Variants in SEC31A observed in about 807,000 individuals in gnomAD.
The protein encoded by SEC31A is protein transport protein Sec31A.
SEC31A carries 70 observed loss-of-function variants against 151.0 expected under a neutral mutation model. The ratio of observed to expected loss-of-function variants is 0.46; its 90% CI spans 0.38 to 0.57. The LOEUF is 0.57. Ranked by LOEUF, SEC31A falls within the 20% of genes least tolerant of loss-of-function variation. The pLI is 0.00. For synonymous variants in SEC31A, 475 were observed against 505.9 expected, an observed-to-expected ratio of 0.94 and a Z score of 0.82; for missense variants, 1,330 against 1,471.2, an observed-to-expected ratio of 0.90 and a Z score of 1.57.
chr4:82,849,221 T>C (rs1399279940), intron 19 of SEC31A, among the ~76,000 whole-genome samples: 1 of 152,202 alleles, frequency 6.6e-6, no homozygotes, highest in African/African-American at 2.4e-5. Context: ...GAGTTATACC[T>C]ACCTCATGGT....
intron 21 of SEC31A, chr4:82,843,726 G>C (rs528643396): frequency 5.3e-5 from 8 of 151,194 alleles, no homozygotes; most frequent in African/African-American, 1.7e-4. Flanking sequence ...CACTTTCCAG[G>C]TATAATTATT....
chr4:82,864,019 A>C (rs1329958477), intron 11 of SEC31A, among the ~76,000 whole-genome samples: 1 of 152,140 alleles, frequency 6.6e-6, no homozygotes, highest in Non-Finnish European at 1.5e-5. Context: ...CCTTAACTAG[A>C]TCTACTATAG....
intron 4 of SEC31A, among the ~76,000 whole-genome samples, chr4:82,876,149 T>C (rs1308557333): frequency 4.1e-5 from 6 of 147,340 alleles, no homozygotes; most frequent in African/African-American, 1.2e-4. Flanking sequence ...TTGCTCTTGT[T>C]GCCCAGGCTG....
At chr4:82,862,371 A>G (rs1050000367) in intron 13 of SEC31A, among the ~76,000 whole-genome samples, 163 bp downstream of exon 13, 1 of 152,142 alleles carries the variant, frequency 6.6e-6, no homozygotes, top group African/African-American at 2.4e-5. Flanking sequence ...AGCTAAGCTC[A>G]TGTTATTTTA....
chr4:82,845,321 C>A, intron 20 of SEC31A: 1 of 1,252,368 alleles, frequency 8.0e-7, no homozygotes, highest in Non-Finnish European at 1.1e-6. Context: ...ATACCAATCA[C>A]AGAAAATAAA....
At chr4:82,820,485 C>T (rs1490177270) in intron 26 of SEC31A, among the ~76,000 whole-genome samples, 1 of 152,094 alleles carries the variant, frequency 6.6e-6, no homozygotes, top group Non-Finnish European at 1.5e-5. Context: ...TAAAACAAGA[C>T]AATTTTAGAA....
At chr4:82,834,958 G>C (rs1726858674) in intron 22 of SEC31A, among the ~76,000 whole-genome samples, 1 of 152,116 alleles carries the variant, frequency 6.6e-6, no homozygotes, top group Non-Finnish European at 1.5e-5. Context: ...CAATTCTCCT[G>C]CCTTAGCCTC....
intron 22 of SEC31A, among the ~76,000 whole-genome samples, chr4:82,836,164 G>A (rs1030832129): frequency 3.3e-5 from 5 of 152,070 alleles, no homozygotes; most frequent in African/African-American, 1.2e-4. Context: ...CACAAGGTCA[G>A]GAGTTCGAGA....
In SEC31A at chr4:82,824,536, T is replaced by TA. The variant is rs761106125; in HGVS notation, c.3411+18dup. The TA allele has an allele frequency of 1.9e-6, 3 of 1,606,180 alleles. No individual in the cohort carries two copies. Among genetic ancestry groups the TA allele is most frequent in the East Asian group, 2.2e-5 (1 of 44,744 alleles). On this transcript the variant is annotated intron_variant, in intron 25 of 26. Coordinates refer to ENST00000395310, the MANE Select transcript of SEC31A (RefSeq NM_001077207.4). ...TCTTCTAATTAAGCAAAATATGATTTAAAAAAATAAATACATACAGGGTCT... is the reference window on the plus strand; with the variant it reads ...TCTTCTAATTAAGCAAAATATGATTTAAAAAAAATAAATACATACAGGGTCT...
At chr4:82,879,719 T>C (rs562747789) in intron 3 of SEC31A, among the ~76,000 whole-genome samples, 1 of 152,212 alleles carries the variant, frequency 6.6e-6, no homozygotes, top group Non-Finnish European at 1.5e-5. Flanking sequence ...GAGCAATCTC[T>C]TTAAACCCTG....
In SEC31A at chr4:82,842,497, G is replaced by T; in HGVS notation, c.2627-16C>A. The T allele has an allele frequency of 6.4e-7, 1 of 1,570,424 alleles. No homozygotes were observed. Among genetic ancestry groups the T allele is most frequent in the Non-Finnish European group, 8.7e-7 (1 of 1,155,328 alleles). ...GGTTGATAAGCTACACCAAGGAGAA[G>T]AAACAGAAATTTCAATTAGTTACAA... On this transcript the variant is annotated splice_polypyrimidine_tract_variant and intron_variant, in intron 21 of 26. Coordinates refer to ENST00000395310, the MANE Select transcript of SEC31A (RefSeq NM_001077207.4).
chr4:82,896,755 T>C (rs1034915927), intron 3 of SEC31A, among the ~76,000 whole-genome samples: 3 of 152,280 alleles, frequency 2.0e-5, no homozygotes, highest in African/African-American at 7.2e-5. Flanking sequence ...TTTCTAAGAA[T>C]TTTTCAAGGA....
At position 82,824,609 on chromosome 4, in the gene SEC31A, T is replaced by C. The variant is rs1167836488; in HGVS notation, c.3357A>G (p.Leu1119=). The C allele has an allele frequency of 1.2e-6, 2 of 1,614,026 alleles. No individual in the cohort carries two copies. The highest frequency in any genetic ancestry group is 2.7e-5 in the African/African-American group (2 of 74,948). The change falls in exon 25 of 27, where the codon CTA becomes CTG. Residue 1119 remains leucine (L), a synonymous_variant. Coordinates refer to ENST00000395310, the MANE Select transcript of SEC31A (RefSeq NM_001077207.4). ...GAATAAGATCCTCAAATGTGGTCTTTAGAATGAGGTGCTCATCTGGAATAG... is the reference window on the plus strand; with the variant it reads ...GAATAAGATCCTCAAATGTGGTCTTCAGAATGAGGTGCTCATCTGGAATAG... ...KKPIPDEHLI[L]KTTFEDLIQR...
chr4:82,869,850 T>TA, intron 8 of SEC31A, among the ~76,000 whole-genome samples: 1 of 152,060 alleles, frequency 6.6e-6, no homozygotes, highest in Non-Finnish European at 1.5e-5. Context: ...TACCTTCACA[T>TA]AAAAAAGGTA....
intron 1 of SEC31A, among the ~76,000 whole-genome samples, chr4:82,884,818 TTAAC>T (rs1241827122): frequency 6.6e-6 from 1 of 152,208 alleles, no homozygotes; most frequent in African/African-American, 2.4e-5. Context: ...TCAATATATA[TTAAC>T]TAAGTCCTCT....
chr4:82,856,981 A>C lies in SEC31A; in HGVS notation c.1852T>G (p.Phe618Val). The C allele has an allele frequency of 6.2e-7, 1 of 1,608,846 alleles. No individual in the cohort carries two copies. Among genetic ancestry groups the C allele is most frequent in the Non-Finnish European group, 8.5e-7 (1 of 1,178,644 alleles). Residue 618 changes from phenylalanine (F) to valine (V), a missense_variant, in exon 16 of 27, where the codon TTC (phenylalanine) becomes GTC (valine). Phe to Val is a conservative substitution (Grantham distance 50, BLOSUM62 -1). Transcript: ENST00000395310. ...ELLARTQKKYFAKSQSKITRL... is the reference protein window; with the variant it reads ...ELLARTQKKYVAKSQSKITRL... ...GTAATTTTGCTTTGGGATTTTGCGA[A>C]GTATTTTTTCTGGGTTCGAGCCAAG... is the stretch of plus-strand genomic sequence containing the variant.
chr4:82,880,379 C>T (rs1230945228), intron 3 of SEC31A, among the ~76,000 whole-genome samples: 1 of 151,948 alleles, frequency 6.6e-6, no homozygotes, highest in Non-Finnish European at 1.5e-5. Context: ...TGCTTGAGGT[C>T]AAGAGTTCAA....
At chr4:82,862,300 TTC>T in intron 13 of SEC31A, among the ~76,000 whole-genome samples, 1 of 151,938 alleles carries the variant, frequency 6.6e-6, no homozygotes, top group East Asian at 1.9e-4. Context: ...TAGTCATTAA[TTC>T]TGTTTTTCCT....
intron 20 of SEC31A, chr4:82,845,088 G>A: frequency 1.5e-6 from 1 of 665,086 alleles, no homozygotes; most frequent in Non-Finnish European, 2.5e-6. Context: ...CAATGAGCAG[G>A]CAGATGGATG....
Sources: allele counts gnomAD v4.1 joint callset (sites outside exome capture counted in the v4.1 genomes callset), GRCh38; gene constraint gnomAD v4.1.1; transcripts MANE v1.5; gene names NCBI Gene and HGNC (gene_info 2026-07-23, HGNC 2026-07-21).